The following ADARB2 variants were observed in gnomAD, a reference collection of about 807,000 sequenced individuals.
ADARB2 encodes adenosine deaminase RNA specific B2 (inactive).
Under a neutral mutation model 62.2 loss-of-function variants are expected in ADARB2, and 25 were observed. The observed-to-expected ratio is 0.40, with a 90% confidence interval of 0.29 to 0.56. The LOEUF (loss-of-function observed/expected upper bound fraction) is 0.56, where lower values mean the gene tolerates loss of function less well. Ranked by LOEUF, ADARB2 falls within the 20% of genes least tolerant of loss-of-function variation. The pLI, the probability that ADARB2 is intolerant of heterozygous loss-of-function variation, is 0.43. For synonymous variants in ADARB2, 572 were observed against 500.8 expected, an observed-to-expected ratio of 1.14 and a Z score of -1.90; for missense variants, 1,071 against 1,077.4, an observed-to-expected ratio of 0.99 and a Z score of 0.08.
At chr10:1,543,666 C>A (rs565212967) in intron 1 of ADARB2, among the ~76,000 whole-genome samples, 1 of 152,148 alleles carries the variant, frequency 6.6e-6, no homozygotes, top group South Asian at 2.1e-4. Flanking sequence ...CATTCTTCAA[C>A]GGATAAAGGG....
At chr10:1,510,130 T>C (rs577230289) in intron 1 of ADARB2, among the ~76,000 whole-genome samples, 19 of 135,526 alleles carry the variant, frequency 1.4e-4, no homozygotes, top group African/African-American at 4.2e-4. Context: ...CTTTCTTTCT[T>C]TCTTTCTTTC....
intron 1 of ADARB2, among the ~76,000 whole-genome samples, chr10:1,610,748 GCACA>G (rs56043096): frequency 1.9e-4 from 28 of 150,334 alleles, no homozygotes; most frequent in African/African-American, 4.4e-4. Context: ...ATGGGCAGGC[GCACA>G]CACACACACA....
chr10:1,229,384 T>G (rs963408836), intron 6 of ADARB2, among the ~76,000 whole-genome samples: 2 of 152,182 alleles, frequency 1.3e-5, no homozygotes, highest in African/African-American at 4.8e-5. Context: ...AGCAGGTTGC[T>G]GCCGGGAGCC....
chr10:1,293,406 G>T (rs977379104), intron 3 of ADARB2, among the ~76,000 whole-genome samples: 1 of 79,126 alleles, frequency 1.3e-5, no homozygotes, highest in Admixed American at 1.4e-4. Flanking sequence ...TACTCTTCAT[G>T]TGGTCTGTTT....
chr10:1,293,970 AG>A (rs1262882720), intron 3 of ADARB2, among the ~76,000 whole-genome samples: 3 of 150,920 alleles, frequency 2.0e-5, no homozygotes, highest in Non-Finnish European at 4.4e-5. Flanking sequence ...TGTGGCTTGC[AG>A]GGGGGCGGGG....
chr10:1,547,599 C>T (rs3956256), intron 1 of ADARB2, among the ~76,000 whole-genome samples: 1 of 61,346 alleles, frequency 1.6e-5, no homozygotes, highest in African/African-American at 5.5e-5. Flanking sequence ...CAAGTCTATG[C>T]ACTGTGTTGA....
intron 1 of ADARB2, among the ~76,000 whole-genome samples, chr10:1,559,656 G>T (rs1200622124): frequency 6.6e-6 from 1 of 152,190 alleles, no homozygotes; most frequent in African/African-American, 2.4e-5. Context: ...GGAGGAACAG[G>T]GCGAGAATCA....
At chr10:1,423,838 A>C (rs1251398980) in intron 1 of ADARB2, among the ~76,000 whole-genome samples, 1 of 151,914 alleles carries the variant, frequency 6.6e-6, no homozygotes, top group African/African-American at 2.4e-5. Context: ...TCCACTACGT[A>C]TGCAGCAGGA....
At chr10:1,547,247 A>T in intron 1 of ADARB2, among the ~76,000 whole-genome samples, 1 of 125,666 alleles carries the variant, frequency 8.0e-6, no homozygotes, top group South Asian at 2.8e-4. Context: ...TGTTGGGGGC[A>T]GAGGCTGCAC....
chr10:1,482,487 A>G (rs1831486787), intron 1 of ADARB2, among the ~76,000 whole-genome samples: 1 of 152,214 alleles, frequency 6.6e-6, no homozygotes, highest in East Asian at 1.9e-4. Context: ...TCAAATTCGT[A>G]GAGACCAAAA....
intron 1 of ADARB2, among the ~76,000 whole-genome samples, chr10:1,571,217 C>G (rs1175757997): frequency 6.6e-6 from 1 of 152,080 alleles, no homozygotes; most frequent in Non-Finnish European, 1.5e-5. Context: ...GAGACACACA[C>G]TTTACTGCAG....
At chr10:1,442,552 AAAT>A (rs1207360677) in intron 1 of ADARB2, among the ~76,000 whole-genome samples, 2 of 152,244 alleles carry the variant, frequency 1.3e-5, no homozygotes, top group East Asian at 1.9e-4. Flanking sequence ...CTCTCAGTTC[AAAT>A]AATGACAGTG....
chr10:1,371,476 AAAAAT>A lies in ADARB2; in HGVS notation c.188-7564_188-7560del, dbSNP rs1229272045. Among the ~76,000 whole-genome samples the A allele has an allele frequency of 4.6e-5, 7 of 152,354 alleles. No individual in the cohort carries two copies. In the South Asian group the frequency reaches 8.3e-4, roughly 18 times the overall value. Reference sequence around the variant, plus strand: ...TAAACTAACAAGCTTCTGCACAGCAAAAAATAAAATAAAGTAAAATAAAAAAGTAA... The same window carrying A: ...TAAACTAACAAGCTTCTGCACAGCAAAAAATAAAGTAAAATAAAAAAGTAA... On this transcript the variant is annotated intron_variant, in intron 2 of 9. Transcript: ENST00000381312.
chr10:1,640,356 A>C (rs986749479), intron 1 of ADARB2, among the ~76,000 whole-genome samples: 9 of 152,250 alleles, frequency 5.9e-5, no homozygotes, highest in Non-Finnish European at 1.2e-4. Flanking sequence ...GTCCAGTATG[A>C]GAATCACTAG....
chr10:1,512,516 G>A (rs1434780094), intron 1 of ADARB2, among the ~76,000 whole-genome samples: 1 of 152,232 alleles, frequency 6.6e-6, no homozygotes, highest in African/African-American at 2.4e-5. Context: ...AATGAGGTCA[G>A]TATCATCATA....
chr10:1,488,267 C>T (rs951704420), intron 1 of ADARB2, among the ~76,000 whole-genome samples: 3 of 151,656 alleles, frequency 2.0e-5, no homozygotes, highest in Non-Finnish European at 4.4e-5. Context: ...GTTGGCACTG[C>T]CTTTTAAAGC....
chr10:1,615,572 G>A (rs970337196), intron 1 of ADARB2, among the ~76,000 whole-genome samples: 4 of 152,202 alleles, frequency 2.6e-5, no homozygotes, highest in South Asian at 2.1e-4. Context: ...GGCACAGAAC[G>A]CACAGACTCG....
chr10:1,233,966 CTT>C, intron 5 of ADARB2, 121 bp from the exon 6 acceptor site: 1 of 745,566 alleles, frequency 1.3e-6, no homozygotes. Context: ...TATATTTTTC[CTT>C]TTTTTTTTCC....
intron 1 of ADARB2, among the ~76,000 whole-genome samples, chr10:1,494,059 G>A (rs1210183707): frequency 6.6e-6 from 1 of 151,988 alleles, no homozygotes; most frequent in African/African-American, 2.4e-5. Flanking sequence ...GCCCATAATA[G>A]GGCATTCTTA....
Sources: allele counts gnomAD v4.1 joint callset (sites outside exome capture counted in the v4.1 genomes callset), GRCh38; gene constraint gnomAD v4.1.1; transcripts MANE v1.5; gene names NCBI Gene and HGNC (gene_info 2026-07-23, HGNC 2026-07-21).